The following CTNNA3 variants were observed in gnomAD, a reference collection of about 807,000 sequenced individuals.
The protein encoded by CTNNA3 is catenin alpha-3.
In CTNNA3, 76 loss-of-function variants were observed where a neutral mutation model predicts 95.7. The observed-to-expected ratio is 0.79, with a 90% CI of 0.66 to 0.96. The LOEUF (loss-of-function observed/expected upper bound fraction) is 0.96. Among genes scored for constraint, CTNNA3 ranks in the 40% least tolerant of loss-of-function variants. The pLI, the probability that CTNNA3 is intolerant of heterozygous loss-of-function variation, is 0.00. For synonymous variants in CTNNA3, 431 were observed against 374.4 expected (o/e 1.15, Z -1.74); for missense variants, 1,191 against 1,089.8 (o/e 1.09, Z -1.31).
intron 1 of CTNNA3, among the ~76,000 whole-genome samples, chr10:67,724,935 AAAACCTT>A (rs1273701006): frequency 1.3e-5 from 2 of 152,168 alleles, no homozygotes; most frequent in East Asian, 3.8e-4. Flanking sequence ...TTCATATACC[AAAACCTT>A]AAACCTTACT....
chr10:67,482,728 A>G (rs923912022), intron 5 of CTNNA3, among the ~76,000 whole-genome samples: 2 of 152,100 alleles, frequency 1.3e-5, no homozygotes, highest in African/African-American at 4.8e-5. Flanking sequence ...TTCCTAATTG[A>G]ATACCCTTTA....
chr10:67,096,149 T>G (rs1254466051), intron 7 of CTNNA3, among the ~76,000 whole-genome samples: 5 of 151,910 alleles, frequency 3.3e-5, no homozygotes, highest in Admixed American at 6.6e-5. Flanking sequence ...ATATTTTATA[T>G]GCCGAAATAT....
chr10:67,557,413 T>A (rs1416694082), intron 3 of CTNNA3, among the ~76,000 whole-genome samples: 3 of 152,238 alleles, frequency 2.0e-5, no homozygotes, highest in African/African-American at 7.2e-5. Flanking sequence ...GCCTCCTTTG[T>A]TCTATCTCTA....
At position 67,259,418 on chromosome 10, in the gene CTNNA3, TA is replaced by T. The variant is rs531186766; in HGVS notation, c.580-39549del. Among the ~76,000 whole-genome samples the T allele has an allele frequency of 2.9e-3, 424 of 144,620 alleles. 2 individuals carry two copies. Among genetic ancestry groups the T allele is most frequent in the African/African-American group, 9.6e-3 (381 of 39,500 alleles). 94.9% of individuals were successfully genotyped at this position (144,620 alleles called of 152,430 possible). A position where few individuals can be genotyped will look rare whatever the true frequency, so the allele number is the denominator to read the frequency against. ...AGTTATATAATGCAAAAACAAACAA[TA>T]AAAAAAAAAGCATTTAGCATTAAAA... On this transcript the variant is annotated intron_variant, in intron 5 of 17. Transcript: ENST00000433211.
At chr10:66,662,677 T>G (rs1455507969) in intron 9 of CTNNA3, among the ~76,000 whole-genome samples, 1 of 152,136 alleles carries the variant, frequency 6.6e-6, no homozygotes, top group Admixed American at 6.6e-5. Flanking sequence ...GGGGTATTTC[T>G]ACTACAATTG....
rs7910974 is a variant in CTNNA3, at chr10:66,156,092, G to A, written c.1885-52843C>T. Among the ~76,000 whole-genome samples, 1,279 of 151,968 alleles carry A rather than the reference G, an allele frequency of 8.4e-3. 31 individuals carry two copies. The highest frequency in any genetic ancestry group is 0.029 in the African/African-American group (1,189 of 41,508). ...TTACACATCCACCAGAATAGATTAC[G>A]TATGCTGAAACTCTGAAAGGTAGAC... On this transcript the variant is annotated intron_variant, in intron 13 of 17. Coordinates refer to ENST00000433211, the MANE Select transcript of CTNNA3 (RefSeq NM_013266.4).
chr10:67,584,772 T>C (rs1257003173), intron 3 of CTNNA3, among the ~76,000 whole-genome samples: 2 of 152,224 alleles, frequency 1.3e-5, no homozygotes, highest in South Asian at 2.1e-4. Context: ...CAATGGCAGA[T>C]GTCCCTCCCT....
chr10:66,753,556 G>A (rs1345804215), intron 9 of CTNNA3, among the ~76,000 whole-genome samples: 1 of 151,822 alleles, frequency 6.6e-6, no homozygotes, highest in East Asian at 1.9e-4. Context: ...CAGCTACTCG[G>A]GAGGCTGAGG....
intron 15 of CTNNA3, among the ~76,000 whole-genome samples, chr10:66,043,190 A>G (rs547661597): frequency 6.6e-6 from 1 of 151,754 alleles, no homozygotes; most frequent in South Asian, 2.1e-4. Flanking sequence ...AGTAGTTACA[A>G]AAAGATAAAT....
chr10:67,014,081 G>T (rs561877832), intron 7 of CTNNA3, among the ~76,000 whole-genome samples: 2 of 152,214 alleles, frequency 1.3e-5, no homozygotes, highest in Non-Finnish European at 2.9e-5. Context: ...TTAAAGCAAA[G>T]AATCAACATT....
Position 66,125,368 on chromosome 10 carries a change from C to T in CTNNA3, c.1885-22119G>A, listed in dbSNP as rs1336563600. ...TGAGAATACTGTATTGAAAGATGAC[C>T]CTACTACCCAGAAAGCAGTTTTATG... On this transcript the variant is annotated intron_variant, in intron 13 of 17. Transcript: ENST00000433211. 2.6e-5 allele frequency among the ~76,000 whole-genome samples: 4 copies of T among 151,804 alleles called. No homozygotes were observed. The East Asian group carries it at 7.7e-4, about 29-fold the overall frequency.
chr10:66,522,448 G>A (rs138257297), intron 10 of CTNNA3, among the ~76,000 whole-genome samples: 4 of 151,936 alleles, frequency 2.6e-5, no homozygotes, highest in African/African-American at 9.7e-5. Flanking sequence ...TCATGAGGAC[G>A]GTTACCTCCA....
intron 11 of CTNNA3, among the ~76,000 whole-genome samples, chr10:66,436,490 T>C (rs61867208): frequency 0.26 from 36,820 of 142,814 alleles, 4,987 homozygotes; most frequent in South Asian, 0.38. Flanking sequence ...AGACTAGGAC[T>C]ACAATCCCTG....
intron 5 of CTNNA3, among the ~76,000 whole-genome samples, chr10:67,386,831 C>T (rs1352895736): frequency 6.6e-6 from 1 of 152,190 alleles, no homozygotes. Flanking sequence ...GTTGGCCATG[C>T]ACATTAACAT....
chr10:67,119,278 T>C (rs1298570594), intron 7 of CTNNA3, among the ~76,000 whole-genome samples: 1 of 151,928 alleles, frequency 6.6e-6, no homozygotes, highest in Non-Finnish European at 1.5e-5. Context: ...TAGAGTAATA[T>C]ACCATGATCA....
At chr10:67,728,723 T>A (rs1234273368) in intron 1 of CTNNA3, among the ~76,000 whole-genome samples, 2 of 151,726 alleles carry the variant, frequency 1.3e-5, no homozygotes, top group African/African-American at 2.4e-5. Context: ...TTCTAATTAA[T>A]ATATTATCTG....
intron 9 of CTNNA3, among the ~76,000 whole-genome samples, chr10:66,734,991 T>C (rs1258131598): frequency 1.3e-5 from 2 of 151,892 alleles, no homozygotes; most frequent in Non-Finnish European, 2.9e-5. Context: ...GATAAGATGT[T>C]CAATATTGTC....
chr10:66,097,083 C>T (rs1042066035), intron 14 of CTNNA3, among the ~76,000 whole-genome samples: 5 of 152,160 alleles, frequency 3.3e-5, no homozygotes, highest in African/African-American at 9.6e-5. Flanking sequence ...TACAGATTTA[C>T]ATAAACTTGC....
At chr10:66,144,070 T>C (rs1193867078) in intron 13 of CTNNA3, among the ~76,000 whole-genome samples, 8 of 152,240 alleles carry the variant, frequency 5.3e-5, no homozygotes, top group Admixed American at 5.2e-4. Flanking sequence ...TTGTTGTTGC[T>C]AAGACAATTT....
Sources: gnomAD v4.1 joint callset for allele counts (sites outside exome capture counted in the v4.1 genomes callset) on GRCh38, gnomAD v4.1.1 for gene constraint, MANE v1.5 for transcripts, NCBI Gene and HGNC (gene_info 2026-07-23, HGNC 2026-07-21) for gene names.